Variants in AFAP1 observed in about 807,000 individuals in gnomAD.
AFAP1 encodes actin filament-associated protein 1.
A neutral mutation model predicts 93.9 loss-of-function variants in AFAP1; 75 were observed. That is an observed-to-expected ratio of 0.80 (90% CI 0.66 to 0.97). The LOEUF is 0.97. Among genes scored for constraint, AFAP1 ranks in the 50% least tolerant of loss-of-function variants. AFAP1 has a pLI of 0.00. For missense variants in AFAP1, 1,201 were observed against 1,050.8 expected (o/e 1.14, Z -1.98); for synonymous variants, 517 against 430.7 (o/e 1.20, Z -2.48).
chr4:7,851,588 G>A (rs1039175777), intron 4 of AFAP1, among the ~76,000 whole-genome samples: 2 of 152,202 alleles, frequency 1.3e-5, no homozygotes, highest in African/African-American at 4.8e-5. Context: ...CACTGTAGCT[G>A]CATCAGTCAT....
chr4:7,814,751 G>A (rs975740933), intron 8 of AFAP1, among the ~76,000 whole-genome samples: 2 of 152,252 alleles, frequency 1.3e-5, no homozygotes, highest in Non-Finnish European at 2.9e-5. Flanking sequence ...GCCTCGGGTA[G>A]AGGCAGAGGC....
chr4:7,897,722 C>CT (rs1718871849), intron 1 of AFAP1, among the ~76,000 whole-genome samples: 3 of 152,176 alleles, frequency 2.0e-5, no homozygotes, highest in Admixed American at 1.3e-4. Flanking sequence ...TGGGGCTTCA[C>CT]CATGTTGGCC....
intron 17 of AFAP1, among the ~76,000 whole-genome samples, 168 bp downstream of exon 17, chr4:7,768,676 C>T (rs1489467632): frequency 1.3e-5 from 2 of 152,256 alleles, no homozygotes; most frequent in Non-Finnish European, 2.9e-5. Context: ...ACAGGATCTG[C>T]GGGGTGGTGA....
intron 16 of AFAP1, chr4:7,772,474 C>T (rs536173356): frequency 1.2e-4 from 24 of 205,448 alleles, no homozygotes; most frequent in East Asian, 2.3e-4. Flanking sequence ...ACATGTTAGA[C>T]GGTTTGTAAG....
At chr4:7,819,269 G>C (rs539243891) in intron 6 of AFAP1, 98 bp from the exon 7 acceptor site, 26 of 1,123,674 alleles carry the variant, frequency 2.3e-5, no homozygotes, top group Non-Finnish European at 3.2e-5. Flanking sequence ...TGGCGTGGTA[G>C]GGAAATTCAT....
chr4:7,889,478 A>G (rs1481319584), intron 1 of AFAP1, among the ~76,000 whole-genome samples: 3 of 146,834 alleles, frequency 2.0e-5, no homozygotes, highest in African/African-American at 7.6e-5. Flanking sequence ...ATTTGAACCC[A>G]GGAGGTGGAG....
chr4:7,855,701 C>A, intron 3 of AFAP1, 127 bp from the exon 4 acceptor site: 2 of 771,382 alleles, frequency 2.6e-6, no homozygotes, highest in Non-Finnish European at 4.4e-6. Context: ...AAAAGAGAAC[C>A]TCATCCTACG....
intron 1 of AFAP1, among the ~76,000 whole-genome samples, chr4:7,896,690 C>T (rs191555133): frequency 2.2e-5 from 2 of 89,020 alleles, no homozygotes. Context: ...TCCCCACACA[C>T]CCAGGGCTCA....
intron 11 of AFAP1, among the ~76,000 whole-genome samples, chr4:7,788,019 G>A (rs553708811): frequency 2.0e-4 from 31 of 152,332 alleles, no homozygotes; most frequent in African/African-American, 7.2e-4. Context: ...TCCGGGCCCA[G>A]GGCAACCGCC....
chr4:7,852,929 T>A (rs1714620237), intron 4 of AFAP1, among the ~76,000 whole-genome samples: 1 of 152,200 alleles, frequency 6.6e-6, no homozygotes, highest in Non-Finnish European at 1.5e-5. Flanking sequence ...GACCCAAATG[T>A]TGGACAAAGG....
At position 7,838,689 on chromosome 4, in the gene AFAP1, G is replaced by C; in HGVS notation, c.561C>G (p.Ser187=). Reference sequence around the variant, plus strand: ...GTTCCATCTGAGGCTGCTGGTCCTTGGAACTTTTATAGCACTGCATTCAAC... The same window carrying C: ...GTTCCATCTGAGGCTGCTGGTCCTTCGAACTTTTATAGCACTGCATTCAAC... The part of the protein sequence containing the change: ...KDTKLLCYKS[S]KDQQPQMELP... Residue 187 remains serine (S), a synonymous_variant, in exon 6 of 18, where the codon TCC becomes TCG. Coordinates refer to ENST00000420658, the MANE Select transcript of AFAP1 (RefSeq NM_001134647.2). 6.2e-7 allele frequency: 1 copy of C among 1,614,006 alleles called. No homozygotes were observed. The highest frequency in any genetic ancestry group is 2.2e-5 in the East Asian group (1 of 44,876).
chr4:7,764,973 G>C (rs111457978), intron 17 of AFAP1, among the ~76,000 whole-genome samples: 10,252 of 152,206 alleles, frequency 0.067, 1,132 homozygotes, highest in African/African-American at 0.23. Flanking sequence ...GGGTGTGGTG[G>C]CGCACACCCA....
chr4:7,935,727 A>C (rs1395772378), intron 1 of AFAP1, among the ~76,000 whole-genome samples: 2 of 151,174 alleles, frequency 1.3e-5, no homozygotes, highest in Non-Finnish European at 2.9e-5. Flanking sequence ...AATGGCATCA[A>C]AGCAAGGGTA....
rs1401345805 is a variant in AFAP1, at chr4:7,867,148, G to A, written c.225+1474C>T. ...TAGGGGAGCGGAGGGGAGGGGAGGGGAGGGAACAGAGAAGGGCAGCATCAA... is the reference window on the plus strand; with the variant it reads ...TAGGGGAGCGGAGGGGAGGGGAGGGAAGGGAACAGAGAAGGGCAGCATCAA... On this transcript the variant is annotated intron_variant, in intron 3 of 17. Transcript: ENST00000420658. 2.3e-5 allele frequency among the ~76,000 whole-genome samples: 3 copies of A among 128,854 alleles called. No homozygotes were observed. In the Admixed American group the frequency reaches 2.4e-4, roughly 10 times the overall value. The allele number at this position is 128,854 out of a possible 152,430, so 84.5% of individuals were successfully genotyped here. A position where few individuals can be genotyped will look rare whatever the true frequency, so the allele number is the denominator to read the frequency against.
At chr4:7,869,867 A>C (rs749682657) in intron 2 of AFAP1, among the ~76,000 whole-genome samples, 1 of 150,818 alleles carries the variant, frequency 6.6e-6, no homozygotes, top group Non-Finnish European at 1.5e-5. Context: ...CACACACAAA[A>C]TCAATAGATA....
At chr4:7,887,179 G>C (rs911032324) in intron 1 of AFAP1, among the ~76,000 whole-genome samples, 2 of 152,120 alleles carry the variant, frequency 1.3e-5, no homozygotes, top group African/African-American at 2.4e-5. Context: ...AGTCAAGAGA[G>C]GGCAAAGAAT....
At chr4:7,862,539 C>T (rs1009823948) in intron 3 of AFAP1, among the ~76,000 whole-genome samples, 2 of 152,048 alleles carry the variant, frequency 1.3e-5, no homozygotes, top group Admixed American at 6.6e-5. Flanking sequence ...TGATACTTAA[C>T]TGTCATTTTA....
Position 7,763,219 on chromosome 4 carries a change from TGACGAGGGG to T in AFAP1, c.*537_*545del, listed in dbSNP as rs1018396251. 6.5e-6 allele frequency: 1 copy of T among 152,986 alleles called. No individual in the cohort carries two copies. The highest frequency in any genetic ancestry group is 2.4e-5 in the African/African-American group (1 of 41,476). The allele number at this position is 152,986 out of a possible 1,614,324, so 9.5% of individuals were successfully genotyped here. A position where few individuals can be genotyped will look rare whatever the true frequency, so the allele number is the denominator to read the frequency against. On this transcript the variant is annotated 3_prime_UTR_variant, in exon 18 of 18. Coordinates refer to ENST00000420658, the MANE Select transcript of AFAP1 (RefSeq NM_001134647.2). ...GATTTTCTCATGCCTTTACCTCTGA[TGACGAGGGG>T]GACGGGCACGTGGAGAGGGTACGCC...
In AFAP1 at chr4:7,761,872, C is replaced by T. The variant is rs1217496635; in HGVS notation, c.*1893G>A. On this transcript the variant is annotated 3_prime_UTR_variant, in exon 18 of 18. Coordinates refer to ENST00000420658, the MANE Select transcript of AFAP1 (RefSeq NM_001134647.2). ...CTCTATGGCAATGCAGCGGACGGCCCTGAGGTGTGTGGCGTCCCCGCCCGA... is the reference window on the plus strand; with the variant it reads ...CTCTATGGCAATGCAGCGGACGGCCTTGAGGTGTGTGGCGTCCCCGCCCGA... 2 of 152,522 alleles carry T rather than the reference C, an allele frequency of 1.3e-5. No homozygotes were observed. Among genetic ancestry groups the T allele is most frequent in the Non-Finnish European group, 2.9e-5 (2 of 68,192 alleles). 9.4% of individuals were successfully genotyped at this position (152,522 alleles called of 1,614,324 possible). A position where few individuals can be genotyped will look rare whatever the true frequency, so the allele number is the denominator to read the frequency against.
Sources: gnomAD v4.1 joint callset for allele counts (sites outside exome capture counted in the v4.1 genomes callset) on GRCh38, gnomAD v4.1.1 for gene constraint, MANE v1.5 for transcripts, NCBI Gene and HGNC (gene_info 2026-07-23, HGNC 2026-07-21) for gene names.